The following HELB variants were observed in gnomAD, a reference collection of about 807,000 sequenced individuals.
HELB encodes DNA helicase B, also known as DNA 5'-3' helicase B.
A neutral mutation model predicts 101.7 loss-of-function variants in HELB; 96 were observed. That is an observed-to-expected ratio of 0.94 (90% CI 0.80 to 1.12). The LOEUF (loss-of-function observed/expected upper bound fraction) is 1.12, where lower values mean the gene tolerates loss of function less well. HELB is among the 50% of genes most tolerant of loss of function. The probability of loss-of-function intolerance (pLI) is 0.00; values close to 1 mark genes in which losing one functional copy is unlikely to be tolerated. For synonymous variants in HELB, 437 were observed against 459.7 expected (o/e 0.95, Z 0.63); for missense variants, 1,210 against 1,291.9 (o/e 0.94, Z 0.97).
chr12:66,329,099 C>T (rs913299402), intron 11 of HELB, among the ~76,000 whole-genome samples: 2 of 152,136 alleles, frequency 1.3e-5, no homozygotes, highest in African/African-American at 4.8e-5. Context: ...AAACTTACTT[C>T]CTTAAGCAGT....
At chr12:66,310,653 C>G in intron 4 of HELB, 45 bp downstream of exon 4, 1 of 1,545,974 alleles carries the variant, frequency 6.5e-7, no homozygotes, top group Non-Finnish European at 8.8e-7. Flanking sequence ...ATTTGTCGGC[C>G]GGGCACAGTG....
intron 6 of HELB, among the ~76,000 whole-genome samples, chr12:66,316,679 T>G (rs1223986429): frequency 6.7e-6 from 1 of 148,490 alleles, no homozygotes; most frequent in Non-Finnish European, 1.5e-5. Flanking sequence ...AGGTCAGGAG[T>G]TTGAGACCAG....
At chr12:66,325,234 AACAAAATAC>A (rs2053723093) in intron 11 of HELB, 108 bp downstream of exon 11, 1 of 701,820 alleles carries the variant, frequency 1.4e-6, no homozygotes, top group South Asian at 1.9e-5. Context: ...AAAATTAGGA[AACAAAATAC>A]ACAAAAGTAC....
intron 10 of HELB, chr12:66,324,440 G>A: frequency 2.6e-6 from 1 of 385,644 alleles, no homozygotes; most frequent in Non-Finnish European, 4.6e-6. Context: ...AATGAGTTGG[G>A]AAGTGCTTCT....
At chr12:66,314,869 CATTT>C (rs1045293077) in intron 5 of HELB, among the ~76,000 whole-genome samples, 33 of 152,066 alleles carry the variant, frequency 2.2e-4, no homozygotes, top group African/African-American at 7.7e-4. Context: ...TTATCAAATG[CATTT>C]ATTTATTTGT....
chr12:66,308,485 A>G (rs945803186), intron 3 of HELB, among the ~76,000 whole-genome samples: 1 of 152,228 alleles, frequency 6.6e-6, no homozygotes, highest in African/African-American at 2.4e-5. Flanking sequence ...CTGCTATCCA[A>G]GTATTGTATT....
intron 3 of HELB, among the ~76,000 whole-genome samples, 185 bp downstream of exon 3, chr12:66,306,699 G>C (rs554404096): frequency 1.3e-5 from 2 of 152,118 alleles, no homozygotes; most frequent in Admixed American, 6.5e-5. Flanking sequence ...TATAGCATAA[G>C]AACATTTTAT....
rs374978459 is a variant in HELB at position 66,326,672 on chromosome 12, G to A, written c.2670+1546G>A. 3.3e-5 allele frequency among the ~76,000 whole-genome samples: 5 copies of A among 151,250 alleles called. No homozygotes were observed. The East Asian group carries it at 5.8e-4, about 18-fold the overall frequency. ...TTTATTTATTAACTTACCCCATCTC[G>A]ATTCCAAAAAGAATTTGAAATGGCT... On this transcript the variant is annotated intron_variant, in intron 11 of 12. Transcript: ENST00000247815.
At chr12:66,326,825 AGT>A (rs2053744307) in intron 11 of HELB, among the ~76,000 whole-genome samples, 2 of 149,972 alleles carry the variant, frequency 1.3e-5, no homozygotes, top group Admixed American at 1.3e-4. Context: ...TGCAGTCAGG[AGT>A]TCAAGACCAA....
chr12:66,313,604 G>C (rs1939053575), intron 4 of HELB, among the ~76,000 whole-genome samples: 1 of 152,126 alleles, frequency 6.6e-6, no homozygotes, highest in Non-Finnish European at 1.5e-5. Flanking sequence ...AGAAAAAGTA[G>C]TATTTTCATA....
intron 3 of HELB, among the ~76,000 whole-genome samples, chr12:66,307,726 C>A (rs2053493368): frequency 6.6e-6 from 1 of 151,650 alleles, no homozygotes; most frequent in African/African-American, 2.4e-5. Context: ...TGCCACTATC[C>A]CTTTCTCTCT....
chr12:66,334,140 A>G (rs2053839732), intron 12 of HELB, among the ~76,000 whole-genome samples: 1 of 152,030 alleles, frequency 6.6e-6, no homozygotes, highest in Non-Finnish European at 1.5e-5. Flanking sequence ...AGCCTGGGTG[A>G]CAGAGCAAGA....
chr12:66,312,909 A>C (rs1002340138), intron 4 of HELB, among the ~76,000 whole-genome samples: 5 of 152,176 alleles, frequency 3.3e-5, no homozygotes, highest in Admixed American at 1.3e-4. Flanking sequence ...TTATGGGGCA[A>C]TCCCATCCTG....
intron 2 of HELB, among the ~76,000 whole-genome samples, chr12:66,305,968 GATT>G (rs1254539794): frequency 6.6e-6 from 1 of 151,976 alleles, no homozygotes; most frequent in Non-Finnish European, 1.5e-5. Context: ...AATGACAAAA[GATT>G]ATGATTATAG....
chr12:66,322,622 T>A (rs2053684087), intron 8 of HELB, 102 bp from the exon 9 acceptor site: 1 of 641,912 alleles, frequency 1.6e-6, no homozygotes, highest in Admixed American at 2.7e-5. Context: ...GAGAAAGTCT[T>A]GGAAACGTTT....
intron 9 of HELB, 109 bp downstream of exon 9, chr12:66,322,892 T>A: frequency 3.3e-6 from 2 of 605,786 alleles, no homozygotes; most frequent in Non-Finnish European, 5.8e-6. Flanking sequence ...CCCAAAATAG[T>A]TTTTTTTCCC....
At chr12:66,325,851 G>T (rs556074229) in intron 11 of HELB, among the ~76,000 whole-genome samples, 35 of 152,138 alleles carry the variant, frequency 2.3e-4, no homozygotes, top group Middle Eastern at 3.4e-3. Flanking sequence ...TCTTTGTGAG[G>T]CAACCTTTTA....
intron 5 of HELB, 33 bp from the exon 6 acceptor site, chr12:66,315,209 T>C: frequency 6.8e-7 from 1 of 1,479,138 alleles, no homozygotes; most frequent in East Asian, 2.4e-5. Context: ...TTTCTCAGAG[T>C]AAGTCTTGCT....
At chr12:66,317,702 T>G (rs1592638706) in intron 6 of HELB, among the ~76,000 whole-genome samples, 2 of 152,348 alleles carry the variant, frequency 1.3e-5, no homozygotes, top group African/African-American at 4.8e-5. Context: ...GAAGGATCCC[T>G]GCTATATACC....
Sources: gnomAD v4.1 joint callset for allele counts (sites outside exome capture counted in the v4.1 genomes callset) on GRCh38, gnomAD v4.1.1 for gene constraint, MANE v1.5 for transcripts, NCBI Gene and HGNC (gene_info 2026-07-23, HGNC 2026-07-21) for gene names.